Variants in ARHGEF37 observed in about 807,000 individuals in gnomAD.
ARHGEF37 encodes Rho guanine nucleotide exchange factor (GEF) 37.
A neutral mutation model predicts 71.1 loss-of-function variants in ARHGEF37; 55 were observed. The ratio of observed to expected loss-of-function variants is 0.77; its 90% CI spans 0.62 to 0.97. The LOEUF is 0.97. Among genes scored for constraint, ARHGEF37 ranks in the 50% least tolerant of loss-of-function variants. ARHGEF37 has a pLI of 0.00. For synonymous variants in ARHGEF37, 327 were observed against 350.6 expected, an observed-to-expected ratio of 0.93 and a Z score of 0.75; for missense variants, 765 against 836.8, an observed-to-expected ratio of 0.91 and a Z score of 1.06.
intron 3 of ARHGEF37, among the ~76,000 whole-genome samples, chr5:149,605,226 C>CAAAAAAAAAAAA (rs142296894): frequency 8.7e-6 from 1 of 114,780 alleles, no homozygotes. Flanking sequence ...GACTGCATCT[C>CAAAAAAAAAAAA]AAAAAAAAAA....
chr5:149,575,015 T>C (rs1405498355), intron 1 of ARHGEF37, among the ~76,000 whole-genome samples: 3 of 152,198 alleles, frequency 2.0e-5, no homozygotes, highest in African/African-American at 7.2e-5. Context: ...ATTATGCTGT[T>C]CTCATTCTTC....
chr5:149,554,217 C>T (rs1762722075), intron 1 of ARHGEF37, among the ~76,000 whole-genome samples: 2 of 152,162 alleles, frequency 1.3e-5, no homozygotes, highest in African/African-American at 2.4e-5. Flanking sequence ...GTAATCCCAA[C>T]ACTTTGGGAG....
intron 1 of ARHGEF37, among the ~76,000 whole-genome samples, chr5:149,561,336 G>A (rs1580879796): frequency 1.3e-5 from 2 of 151,400 alleles, no homozygotes. Flanking sequence ...TTCCCTGGGG[G>A]TGGGGGAGGG....
intron 1 of ARHGEF37, among the ~76,000 whole-genome samples, chr5:149,576,471 C>G (rs1421691886): frequency 6.6e-6 from 1 of 152,158 alleles, no homozygotes; most frequent in Non-Finnish European, 1.5e-5. Flanking sequence ...AGCAGAATGC[C>G]TGGCTTATAG....
chr5:149,592,209 G>A (rs530730116), intron 1 of ARHGEF37, among the ~76,000 whole-genome samples: 1 of 152,274 alleles, frequency 6.6e-6, no homozygotes, highest in Admixed American at 6.5e-5. Context: ...GATTTGTGTA[G>A]TCACCACCTC....
At chr5:149,589,419 C>T (rs1403889726) in intron 1 of ARHGEF37, among the ~76,000 whole-genome samples, 2 of 152,016 alleles carry the variant, frequency 1.3e-5, no homozygotes, top group African/African-American at 4.8e-5. Flanking sequence ...CCTCAACTTC[C>T]AGAGTTCAAG....
intron 1 of ARHGEF37, among the ~76,000 whole-genome samples, chr5:149,592,759 T>C (rs1180641645): frequency 1.3e-5 from 2 of 152,008 alleles, no homozygotes; most frequent in Non-Finnish European, 2.9e-5. Context: ...TTTTTTTTGG[T>C]TTGTTTGTTT....
At chr5:149,552,161 T>TCAACAGAAAATTAATTTAAC (rs1762684834) in intron 1 of ARHGEF37, 1 of 119,700 alleles carries the variant, frequency 8.4e-6, no homozygotes, top group Non-Finnish European at 1.6e-5. Flanking sequence ...ATAGATGGAA[T>TCAACAGAAAATTAATTTAAC]CAACAGAAAA....
intron 3 of ARHGEF37, among the ~76,000 whole-genome samples, chr5:149,604,062 A>G (rs1188342650): frequency 2.0e-5 from 3 of 152,242 alleles, no homozygotes; most frequent in African/African-American, 7.2e-5. Flanking sequence ...CCTCAGGCTG[A>G]AAACATTCTA....
At chr5:149,622,669 G>A (rs1580933553) in intron 9 of ARHGEF37, among the ~76,000 whole-genome samples, 1 of 152,266 alleles carries the variant, frequency 6.6e-6, no homozygotes, top group Admixed American at 6.5e-5. Flanking sequence ...TCCAGGGCCT[G>A]GACTCTGAAC....
intron 1 of ARHGEF37, among the ~76,000 whole-genome samples, chr5:149,560,601 A>G (rs1365406164): frequency 6.6e-6 from 1 of 152,144 alleles, no homozygotes; most frequent in Non-Finnish European, 1.5e-5. Context: ...CTTTTAAAAG[A>G]TGTCAGATTT....
chr5:149,587,860 A>G (rs1763282428), intron 1 of ARHGEF37, among the ~76,000 whole-genome samples: 1 of 146,394 alleles, frequency 6.8e-6, no homozygotes, highest in African/African-American at 2.5e-5. Flanking sequence ...CTATGTGCAC[A>G]TTCTTGTTTC....
chr5:149,626,457 G>A (rs537792306), intron 10 of ARHGEF37, among the ~76,000 whole-genome samples: 3 of 152,212 alleles, frequency 2.0e-5, no homozygotes, highest in Non-Finnish European at 2.9e-5. Flanking sequence ...TAAGCTGAAA[G>A]TGCCACCGAA....
intron 3 of ARHGEF37, among the ~76,000 whole-genome samples, chr5:149,601,490 G>A (rs1394135591): frequency 6.6e-6 from 1 of 152,172 alleles, no homozygotes; most frequent in Non-Finnish European, 1.5e-5. Context: ...TAGTGATGCA[G>A]CTAAATCTTT....
chr5:149,631,180 C>CTT (rs746935448), intron 12 of ARHGEF37, among the ~76,000 whole-genome samples: 1 of 126,960 alleles, frequency 7.9e-6, no homozygotes, highest in Non-Finnish European at 1.7e-5. Flanking sequence ...TTCTTTTTTT[C>CTT]TTTTTTTTTT....
At chr5:149,584,692 C>T (rs1763187702) in intron 1 of ARHGEF37, among the ~76,000 whole-genome samples, 1 of 152,092 alleles carries the variant, frequency 6.6e-6, no homozygotes, top group Non-Finnish European at 1.5e-5. Flanking sequence ...TTACAATAAC[C>T]TCCACCTCCT....
chr5:149,590,429 A>G (rs932767247), intron 1 of ARHGEF37, among the ~76,000 whole-genome samples: 1 of 151,450 alleles, frequency 6.6e-6, no homozygotes, highest in Non-Finnish European at 1.5e-5. Context: ...TTACAGGTGC[A>G]CACCAACATG....
chr5:149,623,974 C>T (rs1194028536), intron 9 of ARHGEF37, 38 bp from the exon 10 acceptor site: 9 of 1,563,824 alleles, frequency 5.8e-6, no homozygotes, highest in Non-Finnish European at 7.8e-6. Flanking sequence ...ATTGTCCCCT[C>T]TTGCCCAGCT....
intron 1 of ARHGEF37, among the ~76,000 whole-genome samples, chr5:149,589,573 C>T (rs193196098): frequency 6.6e-6 from 1 of 152,238 alleles, no homozygotes; most frequent in East Asian, 1.9e-4. Context: ...GATCTCAGCT[C>T]GCTGCAACCT....
Sources: allele counts gnomAD v4.1 joint callset (sites outside exome capture counted in the v4.1 genomes callset), GRCh38; gene constraint gnomAD v4.1.1; transcripts MANE v1.5; gene names NCBI Gene and HGNC (gene_info 2026-07-23, HGNC 2026-07-21).